RNF169: variants seen among roughly 807,000 people sequenced by gnomAD.
RNF169 encodes E3 ubiquitin-protein ligase RNF169.
A neutral mutation model predicts 53.9 loss-of-function variants in RNF169; 24 were observed. The ratio of observed to expected loss-of-function variants is 0.45; its 90% CI spans 0.32 to 0.63. The LOEUF is 0.63. Among genes scored for constraint, RNF169 ranks in the 20% least tolerant of loss-of-function variants. RNF169 has a pLI of 0.04. For synonymous variants in RNF169, 396 were observed against 363.5 expected (o/e 1.09, Z -1.02); for missense variants, 883 against 906.2 (o/e 0.97, Z 0.33).
chr11:74,816,664 G>T (rs943620074), intron 3 of RNF169, among the ~76,000 whole-genome samples: 1 of 152,202 alleles, frequency 6.6e-6, no homozygotes, highest in Admixed American at 6.5e-5. Context: ...GAGCAGAGAC[G>T]GAATTTTAGG....
In RNF169 at chr11:74,749,316, G is replaced by C. The variant is rs1307358267; in HGVS notation, c.436G>C (p.Asp146His). ...SQPERCRPRR[D>H]GGAAAAGPRP... is the part of the protein sequence containing the mutation. ...ACCCGAGCGCTGCCGCCCGCGCCGG[G>C]ACGGGGGCGCGGCTGCCGCGGGGCC... The change falls in exon 1 of 6, where the codon GAC (aspartate) becomes CAC (histidine). Residue 146 changes from aspartate to histidine, a missense_variant. This residue lies in a region of RNF169 where 313 missense variants were observed against 279.9 expected (regional missense o/e 1.12). Coordinates refer to ENST00000299563, the MANE Select transcript of RNF169 (RefSeq NM_001098638.2). 1.7e-6 allele frequency: 2 copies of C among 1,192,806 alleles called. No homozygotes were observed. Among genetic ancestry groups the C allele is most frequent in the South Asian group, 4.2e-5 (1 of 24,084 alleles). 73.9% of individuals were successfully genotyped at this position (1,192,806 alleles called of 1,614,324 possible).
chr11:74,788,570 T>C (rs372692650), intron 1 of RNF169, among the ~76,000 whole-genome samples: 5 of 152,100 alleles, frequency 3.3e-5, no homozygotes, highest in African/African-American at 1.2e-4. Flanking sequence ...TTTTTTTGTA[T>C]TTTTAGTAGA....
intron 4 of RNF169, among the ~76,000 whole-genome samples, chr11:74,833,012 T>C (rs2036202399): frequency 6.6e-6 from 1 of 152,224 alleles, no homozygotes; most frequent in Admixed American, 6.5e-5. Context: ...AGTACAACTT[T>C]CACATCTTTC....
chr11:74,827,141 T>A (rs1324344235), intron 4 of RNF169, among the ~76,000 whole-genome samples: 1 of 152,246 alleles, frequency 6.6e-6, no homozygotes, highest in Non-Finnish European at 1.5e-5. Flanking sequence ...GCATACATTC[T>A]GTGTAATCTA....
At chr11:74,769,732 G>A (rs1813700102) in intron 1 of RNF169, among the ~76,000 whole-genome samples, 1 of 152,104 alleles carries the variant, frequency 6.6e-6, no homozygotes, top group African/African-American at 2.4e-5. Context: ...GTAAAAGTAC[G>A]GAAGATAGGA....
intron 1 of RNF169, among the ~76,000 whole-genome samples, chr11:74,755,017 G>C (rs1196028873): frequency 6.6e-6 from 1 of 152,178 alleles, no homozygotes; most frequent in Non-Finnish European, 1.5e-5. Flanking sequence ...TATGTGTGCA[G>C]CCTAAATTAC....
intron 1 of RNF169, among the ~76,000 whole-genome samples, chr11:74,774,058 G>T (rs1427569325): frequency 6.6e-6 from 1 of 152,210 alleles, no homozygotes; most frequent in Non-Finnish European, 1.5e-5. Flanking sequence ...AGCTAAAGCT[G>T]TCCAGGTGCA....
chr11:74,825,182 C>T (rs761534944), intron 4 of RNF169, among the ~76,000 whole-genome samples: 12 of 152,156 alleles, frequency 7.9e-5, no homozygotes, highest in Non-Finnish European at 1.3e-4. Flanking sequence ...ATGGAACATT[C>T]TCCAATATAG....
chr11:74,767,604 C>G (rs1016856942), intron 1 of RNF169, among the ~76,000 whole-genome samples: 5 of 151,976 alleles, frequency 3.3e-5, no homozygotes, highest in Admixed American at 6.6e-5. Context: ...GAGTCTCGCT[C>G]TGTCGCCCAG....
At chr11:74,788,439 C>T (rs556305847) in intron 1 of RNF169, among the ~76,000 whole-genome samples, 1 of 152,284 alleles carries the variant, frequency 6.6e-6, no homozygotes, top group African/African-American at 2.4e-5. Flanking sequence ...CTCACCCAGG[C>T]TGGAGTACAG....
intron 2 of RNF169, among the ~76,000 whole-genome samples, chr11:74,795,219 CTT>C (rs71471318): frequency 0.14 from 16,224 of 118,830 alleles, 1,980 homozygotes; most frequent in African/African-American, 0.37. Context: ...TGTAGATACT[CTT>C]TTTTTTTTTT....
intron 1 of RNF169, among the ~76,000 whole-genome samples, chr11:74,767,795 T>G (rs971967420): frequency 6.6e-6 from 1 of 152,050 alleles, no homozygotes; most frequent in Non-Finnish European, 1.5e-5. Context: ...GCCAGGATGG[T>G]CTCAATCTCC....
intron 4 of RNF169, among the ~76,000 whole-genome samples, chr11:74,829,954 A>G (rs1329326125): frequency 6.6e-6 from 1 of 152,176 alleles, no homozygotes; most frequent in Non-Finnish European, 1.5e-5. Flanking sequence ...AACCACCATG[A>G]CACAGGTTTA....
At chr11:74,753,589 T>C (rs777512072) in intron 1 of RNF169, among the ~76,000 whole-genome samples, 8 of 152,232 alleles carry the variant, frequency 5.3e-5, no homozygotes, top group Non-Finnish European at 1.0e-4. Flanking sequence ...ATAGCAATTT[T>C]AGTAATATTC....
At chr11:74,768,908 A>G (rs1056929631) in intron 1 of RNF169, among the ~76,000 whole-genome samples, 3 of 152,046 alleles carry the variant, frequency 2.0e-5, no homozygotes, top group Admixed American at 6.6e-5. Flanking sequence ...TTAGGCAGGC[A>G]TGGTGGGGTG....
intron 2 of RNF169, among the ~76,000 whole-genome samples, chr11:74,801,618 A>T (rs1369594658): frequency 1.3e-5 from 2 of 152,236 alleles, no homozygotes; most frequent in Non-Finnish European, 2.9e-5. Flanking sequence ...AGCTCTAGAT[A>T]TCAACAAAAA....
intron 4 of RNF169, chr11:74,831,333 C>T (rs908933707): frequency 1.3e-5 from 2 of 152,164 alleles, no homozygotes; most frequent in African/African-American, 4.8e-5. Context: ...AAATCAGTTG[C>T]ATTTCTATAC....
chr11:74,755,430 G>A (rs7123433), intron 1 of RNF169, among the ~76,000 whole-genome samples: 3,231 of 152,340 alleles, frequency 0.021, 112 homozygotes, highest in African/African-American at 0.074. Flanking sequence ...AGTATATGAT[G>A]TAGGATATGT....
chr11:74,783,781 C>A (rs917298988), intron 1 of RNF169, among the ~76,000 whole-genome samples: 1 of 151,944 alleles, frequency 6.6e-6, no homozygotes, highest in Non-Finnish European at 1.5e-5. Context: ...GACATGTGAC[C>A]CCAGGAAGGA....
Sources: allele counts gnomAD v4.1 joint callset (sites outside exome capture counted in the v4.1 genomes callset), GRCh38; gene constraint gnomAD v4.1.1; regional missense constraint gnomAD v4.1.1; transcripts MANE v1.5; gene names NCBI Gene and HGNC (gene_info 2026-07-23, HGNC 2026-07-21).